The following SOX5 variants were observed in gnomAD, a reference collection of about 807,000 sequenced individuals.
SOX5 encodes the protein SRY-box transcription factor 5.
In SOX5, 9 loss-of-function variants were observed where a neutral mutation model predicts 92.0. That is an observed-to-expected ratio of 0.10 (90% CI 0.06 to 0.17). The LOEUF (loss-of-function observed/expected upper bound fraction) is 0.17. Among genes scored for constraint, SOX5 ranks in the 10% least tolerant of loss-of-function variants. The pLI, the probability that SOX5 is intolerant of heterozygous loss-of-function variation, is 1.00. For missense variants in SOX5, 642 were observed against 944.5 expected (o/e 0.68, Z 4.20); for synonymous variants, 344 against 336.3 (o/e 1.02, Z -0.25).
intron 4 of SOX5, among the ~76,000 whole-genome samples, chr12:24,107,781 C>A (rs533199151): frequency 6.6e-6 from 1 of 152,154 alleles, no homozygotes; most frequent in Non-Finnish European, 1.5e-5. Flanking sequence ...AAGAGGGTCA[C>A]TGAGAGATCA....
chr12:23,826,581 T>C lies in SOX5; in HGVS notation c.481+19402A>G, dbSNP rs139330601. Reference sequence around the variant, plus strand: ...GACAACTGACCTCCCTTATTTATACTGCACTGCTCCCAATATGGCAGCCTC... The same window carrying C: ...GACAACTGACCTCCCTTATTTATACCGCACTGCTCCCAATATGGCAGCCTC... On this transcript the variant is annotated intron_variant, in intron 3 of 14. Transcript: ENST00000451604. Among the ~76,000 whole-genome samples the C allele has an allele frequency of 3.8e-3, 584 of 152,288 alleles. 4 individuals carry two copies. The highest frequency in any genetic ancestry group is 0.013 in the African/African-American group (560 of 41,560).
intron 2 of SOX5, among the ~76,000 whole-genome samples, chr12:24,308,580 G>A (rs573978961): frequency 1.9e-4 from 29 of 152,296 alleles, no homozygotes; most frequent in African/African-American, 6.3e-4. Flanking sequence ...GTGGTACCAC[G>A]TGACTTGGAT....
At chr12:24,299,595 G>C (rs1947717918) in intron 2 of SOX5, among the ~76,000 whole-genome samples, 1 of 152,092 alleles carries the variant, frequency 6.6e-6, no homozygotes, top group East Asian at 1.9e-4. Context: ...GAGAAAAGAG[G>C]CTATATAAAT....
At chr12:24,356,624 C>T (rs1402290144) in intron 2 of SOX5, among the ~76,000 whole-genome samples, 3 of 152,134 alleles carry the variant, frequency 2.0e-5, no homozygotes, top group East Asian at 1.9e-4. Flanking sequence ...CACCCCAGCT[C>T]GCAGGCAACA....
chr12:23,709,806 C>A (rs560830820), intron 6 of SOX5, among the ~76,000 whole-genome samples: 1 of 152,244 alleles, frequency 6.6e-6, no homozygotes, highest in Non-Finnish European at 1.5e-5. Flanking sequence ...ATACTAGTAT[C>A]AACGTAACTT....
At chr12:24,253,371 C>A (rs1940546185) in intron 3 of SOX5, among the ~76,000 whole-genome samples, 1 of 149,070 alleles carries the variant, frequency 6.7e-6, no homozygotes, top group Non-Finnish European at 1.5e-5. Flanking sequence ...AACATAGATA[C>A]AACATAGGAT....
At chr12:23,997,622 G>A (rs1053861244) in intron 4 of SOX5, among the ~76,000 whole-genome samples, 2 of 152,126 alleles carry the variant, frequency 1.3e-5, no homozygotes, top group African/African-American at 4.8e-5. Context: ...TATACATGAA[G>A]AAAGTAAAAG....
At chr12:24,391,636 T>C (rs1190231851) in intron 1 of SOX5, among the ~76,000 whole-genome samples, 1 of 152,192 alleles carries the variant, frequency 6.6e-6, no homozygotes, top group African/African-American at 2.4e-5. Flanking sequence ...ATTATGAATC[T>C]ACCTTTTACA....
At chr12:24,233,283 AAC>A (rs1963789569) in intron 3 of SOX5, among the ~76,000 whole-genome samples, 1 of 152,214 alleles carries the variant, frequency 6.6e-6, no homozygotes, top group Admixed American at 6.6e-5. Flanking sequence ...TAATATGAAT[AAC>A]AATGAAAATT....
At chr12:23,911,391 T>C (rs1445560195) in intron 1 of SOX5, among the ~76,000 whole-genome samples, 2 of 152,076 alleles carry the variant, frequency 1.3e-5, no homozygotes. Context: ...ATTTTTTCAA[T>C]TTCAATATAT....
intron 1 of SOX5, among the ~76,000 whole-genome samples, chr12:24,475,683 A>C (rs569155745): frequency 2.0e-5 from 3 of 152,296 alleles, no homozygotes; most frequent in Non-Finnish European, 4.4e-5. Flanking sequence ...TCTAAACTTT[A>C]ATTAGAAGCA....
chr12:24,295,556 A>C (rs1947118972), intron 2 of SOX5, among the ~76,000 whole-genome samples: 1 of 152,036 alleles, frequency 6.6e-6, no homozygotes, highest in Non-Finnish European at 1.5e-5. Context: ...GTTTTTTTGA[A>C]GTTCTTGGTT....
At chr12:23,582,174 T>C (rs1370081611) in intron 9 of SOX5, 1 of 985,196 alleles carries the variant, frequency 1.0e-6, no homozygotes, top group Non-Finnish European at 1.2e-6. Context: ...CCCTAGCTTG[T>C]GTGCAGCACT....
intron 8 of SOX5, among the ~76,000 whole-genome samples, chr12:23,640,144 A>G (rs1047264717): frequency 2.0e-5 from 3 of 152,262 alleles, no homozygotes; most frequent in African/African-American, 7.2e-5. Flanking sequence ...CAGTTAATCA[A>G]AGCTACCTGT....
At chr12:24,035,148 T>A (rs1405476350) in intron 4 of SOX5, among the ~76,000 whole-genome samples, 1 of 152,132 alleles carries the variant, frequency 6.6e-6, no homozygotes, top group Admixed American at 6.6e-5. Context: ...TTTGTGAGCA[T>A]GTTTTAAGTG....
At position 23,846,133 on chromosome 12, in the gene SOX5, G is replaced by C. The variant is rs766869961; in HGVS notation, c.331C>G (p.Gln111Glu). ...TGTCGCCCACCTTCTTCTGCCTTCT[G>C]AGGTGAGGTAGATGAGTTGTGTGGG... is the stretch of plus-strand genomic sequence containing the variant. ...FAPHNSSTSP[Q>E]KAEEGGRQSG... Residue 111 changes from glutamine to glutamate, a missense_variant, in exon 3 of 15, where the codon CAG becomes GAG. Physicochemically the swap from Gln to Glu is conservative, Grantham distance 29 (BLOSUM62 2). Transcript: ENST00000451604. The C allele has an allele frequency of 4.6e-5, 74 of 1,613,982 alleles. No individual in the cohort carries two copies. The highest frequency in any genetic ancestry group is 5.8e-5 in the Non-Finnish European group (68 of 1,179,992).
At chr12:24,202,902 CT>C (rs1957665307) in intron 4 of SOX5, among the ~76,000 whole-genome samples, 1 of 151,988 alleles carries the variant, frequency 6.6e-6, no homozygotes, top group Admixed American at 6.6e-5. Context: ...TACTACTTTC[CT>C]TTTATAATTA....
intron 10 of SOX5, among the ~76,000 whole-genome samples, chr12:23,575,405 C>T (rs1321419994): frequency 6.6e-6 from 1 of 152,192 alleles, no homozygotes; most frequent in Admixed American, 6.5e-5. Context: ...ACTTAGTCCT[C>T]TTTTTATATT....
At chr12:24,062,944 C>G (rs983135038) in intron 4 of SOX5, among the ~76,000 whole-genome samples, 1 of 152,140 alleles carries the variant, frequency 6.6e-6, no homozygotes, top group Non-Finnish European at 1.5e-5. Context: ...TGTGTTTGTA[C>G]AGTGATTTAA....
Sources: gnomAD v4.1 joint callset for allele counts (sites outside exome capture counted in the v4.1 genomes callset) on GRCh38, gnomAD v4.1.1 for gene constraint, MANE v1.5 for transcripts, NCBI Gene and HGNC (gene_info 2026-07-23, HGNC 2026-07-21) for gene names.